Variants in XDH observed in about 807,000 individuals in gnomAD.
XDH encodes the protein xanthine dehydrogenase.
A neutral mutation model predicts 156.1 loss-of-function variants in XDH; 138 were observed. The ratio of observed to expected loss-of-function variants is 0.88; its 90% CI spans 0.77 to 1.02. The LOEUF (loss-of-function observed/expected upper bound fraction) is 1.02. Among genes scored for constraint, XDH ranks in the 50% least tolerant of loss-of-function variants. The pLI, the probability that XDH is intolerant of heterozygous loss-of-function variation, is 0.00. For missense variants in XDH, 1,849 were observed against 1,684.9 expected (o/e 1.10, Z -1.71); for synonymous variants, 669 against 625.7 (o/e 1.07, Z -1.03).
intron 5 of XDH, 31 bp from the exon 6 acceptor site, chr2:31,397,760 G>A (rs1427146117): frequency 9.9e-6 from 16 of 1,613,354 alleles, no homozygotes; most frequent in Non-Finnish European, 1.4e-5. Flanking sequence ...TGCAATGTCA[G>A]TGCAGGGCCC....
chr2:31,364,132 C>T, intron 24 of XDH, 26 bp downstream of exon 24: 1 of 1,611,776 alleles, frequency 6.2e-7, no homozygotes, highest in Non-Finnish European at 8.5e-7. Flanking sequence ...GCTCTGGGTG[C>T]AGGGGCGGCT....
chr2:31,342,051 A>ACTC, intron 32 of XDH, 132 bp downstream of exon 32: 1 of 800,478 alleles, frequency 1.2e-6, no homozygotes. Context: ...CCTTTATAGG[A>ACTC]TGTTTGCCTA....
chr2:31,383,605 C>T (rs553159217), intron 10 of XDH, 150 bp downstream of exon 10: 4 of 770,960 alleles, frequency 5.2e-6, no homozygotes, highest in Admixed American at 4.0e-5. Flanking sequence ...ATGGGGTCTC[C>T]TCCCGCCTTT....
At chr2:31,342,789 G>A (rs1294834285) in intron 31 of XDH, among the ~76,000 whole-genome samples, 13 of 152,076 alleles carry the variant, frequency 8.5e-5, no homozygotes, top group Admixed American at 7.2e-4. Flanking sequence ...ATCTTTAAGC[G>A]GCCACTCCCC....
At chr2:31,350,532 C>T (rs945960887) in intron 24 of XDH, among the ~76,000 whole-genome samples, 2 of 151,870 alleles carry the variant, frequency 1.3e-5, no homozygotes, top group Non-Finnish European at 2.9e-5. Context: ...ACGCACCACA[C>T]GCCCAGCTAA....
chr2:31,345,550 A>C (rs1413027608), intron 30 of XDH, among the ~76,000 whole-genome samples: 1 of 152,208 alleles, frequency 6.6e-6, no homozygotes, highest in Non-Finnish European at 1.5e-5. Context: ...CTTTGCATAC[A>C]TTATCTTACT....
At chr2:31,365,903 A>G (rs1300783421) in intron 22 of XDH, 73 bp downstream of exon 22, 3 of 1,610,214 alleles carry the variant, frequency 1.9e-6, no homozygotes, top group Non-Finnish European at 2.5e-6. Flanking sequence ...GGAAGTCCTG[A>G]AAACCTTCCT....
Position 31,377,057 on chromosome 2 carries a change from A to T in XDH, c.1423T>A (p.Ser475Thr). 1 of 1,614,148 alleles carries T rather than the reference A, an allele frequency of 6.2e-7. No homozygotes were observed. The highest frequency in any genetic ancestry group is 8.5e-7 in the Non-Finnish European group (1 of 1,180,018). ...SALKTTQRQLSKLWKEELLQD... is the reference protein window; with the variant it reads ...SALKTTQRQLTKLWKEELLQD... ...CATTGTGCTGTTAGCTCTTACTTGG[A>T]AAGCTGCCTCTGAGTGGTCTTGAGG... Residue 475 changes from serine to threonine, a missense_variant, in exon 14 of 36, where the codon TCC (serine) becomes ACC (threonine). By Grantham distance (58) the Ser-to-Thr change is moderately conservative (BLOSUM62 1). Transcript: ENST00000379416.
chr2:31,374,547 C>T (rs982714502), intron 15 of XDH, among the ~76,000 whole-genome samples: 1 of 152,140 alleles, frequency 6.6e-6, no homozygotes, highest in Non-Finnish European at 1.5e-5. Context: ...GAAAAAAAAT[C>T]AGAGGAAATA....
At chr2:31,410,443 T>C (rs1687310787) in intron 1 of XDH, among the ~76,000 whole-genome samples, 1 of 152,236 alleles carries the variant, frequency 6.6e-6, no homozygotes, top group Admixed American at 6.5e-5. Context: ...AATTAGTGGG[T>C]GAAAATTTGA....
At chr2:31,383,382 G>A (rs917200857) in intron 10 of XDH, among the ~76,000 whole-genome samples, 3 of 152,164 alleles carry the variant, frequency 2.0e-5, no homozygotes, top group African/African-American at 7.2e-5. Context: ...TACAACCAAT[G>A]CTCTTTCCTC....
chr2:31,397,201 G>C (rs991240022), intron 6 of XDH, among the ~76,000 whole-genome samples: 1 of 152,172 alleles, frequency 6.6e-6, no homozygotes, highest in Non-Finnish European at 1.5e-5. Flanking sequence ...AAACTGTCTG[G>C]AGATCTAATT....
At position 31,357,556 on chromosome 2, in the gene XDH, AG is replaced by A. The variant is rs553411583; in HGVS notation, c.2631+6601del. ...ATGTTTACCAGAGGCTGGGGAGGGT[AG>A]GGGGACAGAGGATAAAATGGGGATG... On this transcript the variant is annotated intron_variant, in intron 24 of 35. Transcript: ENST00000379416. Among the ~76,000 whole-genome samples, 4 of 152,212 alleles carry A rather than the reference AG, an allele frequency of 2.6e-5. No homozygotes were observed. The South Asian group carries it at 8.3e-4, about 32-fold the overall frequency.
In XDH at chr2:31,347,760, C is replaced by T. The variant is rs4952083; in HGVS notation, c.3148-110G>A. 0.77 allele frequency: 1,100,724 copies of T among 1,427,060 alleles called. 424,764 individuals carry two copies. Among genetic ancestry groups the T allele is most frequent in the East Asian group, 0.85 (37,036 of 43,336 alleles). 88.4% of individuals were successfully genotyped at this position (1,427,060 alleles called of 1,614,324 possible). A position where few individuals can be genotyped will look rare whatever the true frequency, so the allele number is the denominator to read the frequency against. On this transcript the variant is annotated intron_variant, in intron 28 of 35. Coordinates refer to ENST00000379416, the MANE Select transcript of XDH (RefSeq NM_000379.4). ...ACTGTTACAGGCAAGAAAACAATTT[C>T]GTAAACTCTAATCTCATTGTCTGGG...
chr2:31,355,493 T>TG (rs1439678045), intron 24 of XDH, among the ~76,000 whole-genome samples: 1 of 151,916 alleles, frequency 6.6e-6, no homozygotes, highest in Non-Finnish European at 1.5e-5. Flanking sequence ...ATAATATAAA[T>TG]GGGAAAGGGC....
chr2:31,335,638 A>G lies in XDH; in HGVS notation c.*320T>C. On this transcript the variant is annotated 3_prime_UTR_variant, in exon 36 of 36. Transcript: ENST00000379416. The stretch of plus-strand genomic sequence containing the variant: ...AGACACCATCAGAACTTGAGGTTAT[A>G]CAGGCTGTCCAGTAAGTGGGGAATA... 1 of 453,886 alleles carries G rather than the reference A, an allele frequency of 2.2e-6. No individual in the cohort carries two copies. The highest frequency in any genetic ancestry group is 4.1e-6 in the Non-Finnish European group (1 of 244,968). 28.1% of individuals were successfully genotyped at this position (453,886 alleles called of 1,614,324 possible). A position where few individuals can be genotyped will look rare whatever the true frequency, so the allele number is the denominator to read the frequency against.
At chr2:31,385,903 A>C (rs1686576228) in intron 9 of XDH, among the ~76,000 whole-genome samples, 1 of 152,196 alleles carries the variant, frequency 6.6e-6, no homozygotes, top group African/African-American at 2.4e-5. Flanking sequence ...TGGAACCTCT[A>C]GTGTCCATCA....
At chr2:31,378,176 AAGC>A (rs752007567) in intron 13 of XDH, among the ~76,000 whole-genome samples, 3 of 55,916 alleles carry the variant, frequency 5.4e-5, no homozygotes, top group Admixed American at 1.7e-4. Flanking sequence ...GGAAGGAAGG[AAGC>A]AAGCAAGCAA....
intron 22 of XDH, 24 bp downstream of exon 22, chr2:31,365,952 G>A: frequency 6.2e-7 from 1 of 1,614,096 alleles, no homozygotes; most frequent in Admixed American, 1.7e-5. Context: ...GAGCCAGATG[G>A]GAGAAACAGG....
Sources: gnomAD v4.1 joint callset for allele counts (sites outside exome capture counted in the v4.1 genomes callset) on GRCh38, gnomAD v4.1.1 for gene constraint, MANE v1.5 for transcripts, NCBI Gene and HGNC (gene_info 2026-07-23, HGNC 2026-07-21) for gene names.